The following ERICH5 variants were observed in gnomAD, a reference collection of about 807,000 sequenced individuals.
ERICH5 encodes glutamate-rich protein 5.
A neutral mutation model predicts 28.0 loss-of-function variants in ERICH5; 24 were observed. That is an observed-to-expected ratio of 0.86 (90% CI 0.62 to 1.21). The LOEUF (loss-of-function observed/expected upper bound fraction) is 1.21, where lower values mean the gene tolerates loss of function less well. ERICH5 is among the 50% of genes most tolerant of loss of function. ERICH5 has a pLI of 0.00. For missense variants in ERICH5, 421 were observed against 441.2 expected, an observed-to-expected ratio of 0.95 and a Z score of 0.41; for synonymous variants, 163 against 157.6, an observed-to-expected ratio of 1.03 and a Z score of -0.25.
At chr8:98,090,050 C>G (rs1448497733) in intron 2 of ERICH5, 21 bp downstream of exon 2, 1 of 1,569,348 alleles carries the variant, frequency 6.4e-7, no homozygotes, top group Non-Finnish European at 8.7e-7. Context: ...TGCTGGCAAA[C>G]CTGGATGTTT....
intron 2 of ERICH5, among the ~76,000 whole-genome samples, chr8:98,092,778 T>A (rs1288877861): frequency 1.5e-5 from 2 of 135,258 alleles, no homozygotes; most frequent in East Asian, 4.1e-4. Context: ...TTTCTTTTCC[T>A]TTTTTTTTTT....
chr8:98,071,348 A>G (rs1563752920), intron 1 of ERICH5, among the ~76,000 whole-genome samples: 1 of 152,204 alleles, frequency 6.6e-6, no homozygotes, highest in Non-Finnish European at 1.5e-5. Context: ...TTTCACTTCT[A>G]TGTTAATGTT....
intron 1 of ERICH5, 147 bp from the exon 2 acceptor site, chr8:98,088,929 T>C (rs1815328801): frequency 1.6e-6 from 1 of 624,708 alleles, no homozygotes; most frequent in Non-Finnish European, 2.8e-6. Context: ...GTTAGGGTCA[T>C]GGTATGGCCT....
intron 1 of ERICH5, among the ~76,000 whole-genome samples, chr8:98,071,109 CA>C (rs371974711): frequency 3.4e-4 from 51 of 152,190 alleles, no homozygotes; most frequent in African/African-American, 1.1e-3. Flanking sequence ...ACTAAAAATA[CA>C]AAAATTTTCT....
intron 2 of ERICH5, among the ~76,000 whole-genome samples, chr8:98,091,936 C>T (rs55889998): frequency 0.043 from 1,275 of 29,912 alleles, 59 homozygotes; most frequent in African/African-American, 0.12. Flanking sequence ...TTTCTTTCTT[C>T]CTTTCTTTCT....
rs189636845 is a variant in ERICH5, at chr8:98,073,029, T to G, written c.58+8302T>G. Among the ~76,000 whole-genome samples the G allele has an allele frequency of 4.6e-5, 7 of 152,260 alleles. No individual in the cohort carries two copies. The East Asian group carries it at 1.4e-3, about 29-fold the overall frequency. On this transcript the variant is annotated intron_variant, in intron 1 of 2. Transcript: ENST00000318528. ...GATGTTATGGGAGGTTCTGGTTACCTGTACACCTTGCATTAATGTATGGGT... is the reference window on the plus strand; with the variant it reads ...GATGTTATGGGAGGTTCTGGTTACCGGTACACCTTGCATTAATGTATGGGT...
At chr8:98,072,925 T>C (rs1814944297) in intron 1 of ERICH5, among the ~76,000 whole-genome samples, 1 of 150,354 alleles carries the variant, frequency 6.7e-6, no homozygotes, top group South Asian at 2.1e-4. Flanking sequence ...CTCAAGACTC[T>C]GATATAAACC....
At chr8:98,067,213 T>C (rs1460229905) in intron 1 of ERICH5, among the ~76,000 whole-genome samples, 1 of 152,150 alleles carries the variant, frequency 6.6e-6, no homozygotes, top group Non-Finnish European at 1.5e-5. Flanking sequence ...TATGAGAGGA[T>C]TGCTTGAGGC....
Position 98,085,136 on chromosome 8 carries a change from C to CTTTTTTTTTTTTTTTTTTTT in ERICH5, c.59-3917_59-3898dup, listed in dbSNP as rs760470751. Among the ~76,000 whole-genome samples the CTTTTTTTTTTTTTTTTTTTT allele has an allele frequency of 5.2e-5, 3 of 57,318 alleles. 1 individual carries two copies. Among genetic ancestry groups the CTTTTTTTTTTTTTTTTTTTT allele is most frequent in the Non-Finnish European group, 1.1e-4 (3 of 28,402 alleles). 37.6% of individuals were successfully genotyped at this position (57,318 alleles called of 152,430 possible). A position where few individuals can be genotyped will look rare whatever the true frequency, so the allele number is the denominator to read the frequency against. ...TTCCCTGGTGTGAACGTTCCACAGC[C>CTTTTTTTTTTTTTTTTTTTT]TTTTTTTTTTTTTTTTTTTTTTTTT... On this transcript the variant is annotated intron_variant, in intron 1 of 2. Transcript: ENST00000318528.
chr8:98,073,602 C>G (rs1300013166), intron 1 of ERICH5, among the ~76,000 whole-genome samples: 1 of 137,130 alleles, frequency 7.3e-6, no homozygotes, highest in Non-Finnish European at 1.6e-5. Flanking sequence ...GAGTGCAGTG[C>G]TGTGATCTTG....
chr8:98,091,489 A>G (rs1377060385), intron 2 of ERICH5, among the ~76,000 whole-genome samples: 2 of 152,246 alleles, frequency 1.3e-5, no homozygotes, highest in Non-Finnish European at 2.9e-5. Flanking sequence ...GGCAAACTCA[A>G]AAGTCTTTAG....
At chr8:98,087,472 T>C (rs1481266463) in intron 1 of ERICH5, among the ~76,000 whole-genome samples, 2 of 148,790 alleles carry the variant, frequency 1.3e-5, no homozygotes, top group South Asian at 2.1e-4. Flanking sequence ...AAACAATCTT[T>C]GGGAAAAAAG....
chr8:98,083,012 GCTTTT>G (rs1815209922), intron 1 of ERICH5, among the ~76,000 whole-genome samples: 1 of 152,334 alleles, frequency 6.6e-6, no homozygotes, highest in South Asian at 2.1e-4. Flanking sequence ...CTTTCGCAAA[GCTTTT>G]TATTGTGGGA....
intron 1 of ERICH5, among the ~76,000 whole-genome samples, chr8:98,068,122 G>T (rs1814851311): frequency 6.6e-6 from 1 of 152,208 alleles, no homozygotes; most frequent in East Asian, 1.9e-4. Context: ...CTCCCAAAGT[G>T]CTGGGATTAC....
chr8:98,072,905 T>A (rs557843309), intron 1 of ERICH5, among the ~76,000 whole-genome samples: 1 of 152,012 alleles, frequency 6.6e-6, no homozygotes, highest in South Asian at 2.1e-4. Flanking sequence ...TTTCTGCCTC[T>A]TCCCATTTTC....
intron 1 of ERICH5, among the ~76,000 whole-genome samples, chr8:98,077,809 A>G (rs2045807): frequency 0.093 from 14,203 of 152,130 alleles, 930 homozygotes; most frequent in Admixed American, 0.19. Context: ...GGCTCAAGCA[A>G]TCTTCCCACC....
At chr8:98,084,331 A>T (rs889967444) in intron 1 of ERICH5, among the ~76,000 whole-genome samples, 4 of 152,078 alleles carry the variant, frequency 2.6e-5, no homozygotes, top group Admixed American at 1.3e-4. Flanking sequence ...GTGTCACTGG[A>T]CACATTGACT....
chr8:98,067,349 T>C (rs1814836597), intron 1 of ERICH5, among the ~76,000 whole-genome samples: 1 of 151,938 alleles, frequency 6.6e-6, no homozygotes, highest in African/African-American at 2.4e-5. Flanking sequence ...TCCCAGCTAC[T>C]CAGGAGGCTG....
chr8:98,072,599 C>T (rs150995451), intron 1 of ERICH5, among the ~76,000 whole-genome samples: 5 of 152,206 alleles, frequency 3.3e-5, no homozygotes, highest in African/African-American at 9.6e-5. Flanking sequence ...GGTTGTGCCA[C>T]TGCACTGCAG....
Sources: gnomAD v4.1 joint callset for allele counts (sites outside exome capture counted in the v4.1 genomes callset) on GRCh38, gnomAD v4.1.1 for gene constraint, MANE v1.5 for transcripts, NCBI Gene and HGNC (gene_info 2026-07-23, HGNC 2026-07-21) for gene names.